Variants in HDAC4 observed in about 807,000 individuals in gnomAD.
The protein encoded by HDAC4 is histone deacetylase 4.
In HDAC4, 16 loss-of-function variants were observed where a neutral mutation model predicts 135.1. The observed-to-expected ratio is 0.12, with a 90% CI of 0.08 to 0.18. The LOEUF (loss-of-function observed/expected upper bound fraction) is 0.18. Ranked by LOEUF, HDAC4 falls within the 10% of genes least tolerant of loss-of-function variation. The pLI, the probability that HDAC4 is intolerant of heterozygous loss-of-function variation, is 1.00. For synonymous variants in HDAC4, 685 were observed against 653.4 expected (o/e 1.05, Z -0.74); for missense variants, 1,143 against 1,511.8 (o/e 0.76, Z 4.05).
chr2:239,107,480 G>A (rs1160919611), intron 15 of HDAC4, among the ~76,000 whole-genome samples: 1 of 152,196 alleles, frequency 6.6e-6, no homozygotes, highest in African/African-American at 2.4e-5. Flanking sequence ...ACCAGGCCAG[G>A]GCCCTGCCTG....
intron 15 of HDAC4, among the ~76,000 whole-genome samples, chr2:239,103,605 C>T (rs957641357): frequency 4.6e-5 from 7 of 152,358 alleles, no homozygotes; most frequent in African/African-American, 9.6e-5. Flanking sequence ...ATGAGTCAGA[C>T]GCCACTCAGG....
chr2:239,095,980 G>A (rs751263184), intron 16 of HDAC4, among the ~76,000 whole-genome samples: 1 of 152,126 alleles, frequency 6.6e-6, no homozygotes, highest in African/African-American at 2.4e-5. Flanking sequence ...TTTATCCAAC[G>A]TGGGACCCCA....
chr2:239,155,839 A>G (rs561391276), intron 7 of HDAC4, among the ~76,000 whole-genome samples: 12 of 152,308 alleles, frequency 7.9e-5, no homozygotes, highest in South Asian at 2.1e-4. Context: ...TCCACTGGCC[A>G]CATCTGGGAT....
chr2:239,055,090 C>T (rs539947449), intron 24 of HDAC4: 19 of 421,748 alleles, frequency 4.5e-5, no homozygotes, highest in Middle Eastern at 7.3e-4. Context: ...AGACAGTCCC[C>T]AGGAGTGGGG....
At chr2:239,182,213 C>T (rs1191366673) in intron 4 of HDAC4, among the ~76,000 whole-genome samples, 1 of 152,188 alleles carries the variant, frequency 6.6e-6, no homozygotes, top group Non-Finnish European at 1.5e-5. Flanking sequence ...GGGTGCTTCT[C>T]AGCTCAGAAA....
chr2:239,154,664 G>C (rs1041335710), intron 7 of HDAC4: 2 of 152,152 alleles, frequency 1.3e-5, no homozygotes, highest in African/African-American at 4.8e-5. Context: ...AATAGCATCA[G>C]TCCCCAGAAA....
chr2:239,225,740 C>T (rs1211474298), intron 3 of HDAC4, among the ~76,000 whole-genome samples: 2 of 29,738 alleles, frequency 6.7e-5, no homozygotes, highest in Non-Finnish European at 1.2e-4. Context: ...CCCGTGGCCA[C>T]GTACTGCTAC....
intron 20 of HDAC4, among the ~76,000 whole-genome samples, chr2:239,083,285 C>T (rs537152490): frequency 6.6e-6 from 1 of 152,360 alleles, no homozygotes; most frequent in South Asian, 2.1e-4. Context: ...TCACACTGCT[C>T]TCTTCCCAGG....
intron 3 of HDAC4, among the ~76,000 whole-genome samples, chr2:239,192,128 C>T (rs1264165622): frequency 1.3e-5 from 2 of 152,144 alleles, no homozygotes; most frequent in Non-Finnish European, 2.9e-5. Flanking sequence ...ACATAAACTG[C>T]GTGTTCAATG....
At chr2:239,197,938 C>T (rs1463296124) in intron 3 of HDAC4, among the ~76,000 whole-genome samples, 1 of 150,904 alleles carries the variant, frequency 6.6e-6, no homozygotes, top group Non-Finnish European at 1.5e-5. Flanking sequence ...AATACAACCT[C>T]CACCTCCCGG....
At chr2:239,315,688 C>A (rs2053086777) in intron 2 of HDAC4, among the ~76,000 whole-genome samples, 1 of 152,076 alleles carries the variant, frequency 6.6e-6, no homozygotes, top group African/African-American at 2.4e-5. Context: ...GTACTGGAGA[C>A]AATTGGGTTG....
At chr2:239,330,364 T>G (rs1691488337) in intron 2 of HDAC4, among the ~76,000 whole-genome samples, 1 of 152,242 alleles carries the variant, frequency 6.6e-6, no homozygotes, top group African/African-American at 2.4e-5. Flanking sequence ...TAACCCTGCC[T>G]GGTTCCAAAG....
chr2:239,185,026 T>C (rs2044447115), intron 4 of HDAC4, among the ~76,000 whole-genome samples: 1 of 53,628 alleles, frequency 1.9e-5, no homozygotes. Flanking sequence ...TGGAGGGCTG[T>C]GCCCTATGGG....
At chr2:239,147,449 A>G (rs370041358) in intron 7 of HDAC4, among the ~76,000 whole-genome samples, 23 of 152,274 alleles carry the variant, frequency 1.5e-4, no homozygotes, top group East Asian at 1.2e-3. Flanking sequence ...AAAGGCAGCC[A>G]AAGTGGAAGA....
chr2:239,075,686 T>C (rs2034675678), intron 22 of HDAC4, among the ~76,000 whole-genome samples: 1 of 152,244 alleles, frequency 6.6e-6, no homozygotes, highest in African/African-American at 2.4e-5. Context: ...CCCCTTCCCG[T>C]GGCCTCAATG....
At chr2:239,142,426 C>T (rs907861522) in intron 8 of HDAC4, among the ~76,000 whole-genome samples, 5 of 152,220 alleles carry the variant, frequency 3.3e-5, no homozygotes, top group Non-Finnish European at 1.5e-5. Flanking sequence ...TCCCTGGTAC[C>T]AGTGCCGGCC....
At chr2:239,195,564 T>C (rs186890268) in intron 3 of HDAC4, among the ~76,000 whole-genome samples, 14 of 152,326 alleles carry the variant, frequency 9.2e-5, no homozygotes, top group Admixed American at 6.5e-4. Flanking sequence ...ACGTGACTTG[T>C]GCTATTTCTG....
intron 3 of HDAC4, chr2:239,190,970 G>C (rs1451669963): frequency 6.4e-6 from 3 of 466,030 alleles, no homozygotes; most frequent in Non-Finnish European, 1.3e-5. Flanking sequence ...AGTGTGTGCA[G>C]GCACTCACTC....
At chr2:239,229,962 C>T (rs935866837) in intron 3 of HDAC4, among the ~76,000 whole-genome samples, 2 of 152,152 alleles carry the variant, frequency 1.3e-5, no homozygotes, top group African/African-American at 2.4e-5. Context: ...TCTATAGCCA[C>T]TCAAAATAGG....
Sources: gnomAD v4.1 joint callset for allele counts (sites outside exome capture counted in the v4.1 genomes callset) on GRCh38, gnomAD v4.1.1 for gene constraint, MANE v1.5 for transcripts, NCBI Gene and HGNC (gene_info 2026-07-23, HGNC 2026-07-21) for gene names.